CAP2: variants seen among roughly 807,000 people sequenced by gnomAD.
CAP2 encodes the protein cyclase associated actin cytoskeleton regulatory protein 2.
CAP2 carries 24 observed loss-of-function variants against 57.7 expected under a neutral mutation model. That is an observed-to-expected ratio of 0.42 (90% CI 0.30 to 0.58). The LOEUF (loss-of-function observed/expected upper bound fraction) is 0.58, where lower values mean the gene tolerates loss of function less well. Ranked by LOEUF, CAP2 falls within the 20% of genes least tolerant of loss-of-function variation. CAP2 has a pLI of 0.22. For missense variants in CAP2, 501 were observed against 590.3 expected, an observed-to-expected ratio of 0.85 and a Z score of 1.57; for synonymous variants, 194 against 207.2, an observed-to-expected ratio of 0.94 and a Z score of 0.55.
Position 17,496,027 on chromosome 6 carries a change from T to G in CAP2, c.301-11142T>G, listed in dbSNP as rs980636616. ...CAACTGCTGTGCATGCGTGTGTGGGTGGGGGGGGGGGGTAAGTCAGGGAAA... is the reference window on the plus strand; with the variant it reads ...CAACTGCTGTGCATGCGTGTGTGGGGGGGGGGGGGGGGTAAGTCAGGGAAA... On this transcript the variant is annotated intron_variant, in intron 4 of 12. Transcript: ENST00000229922. Among the ~76,000 whole-genome samples, 178 of 44,276 alleles carry G rather than the reference T, an allele frequency of 4.0e-3. 1 individual carries two copies. The highest frequency in any genetic ancestry group is 8.2e-3 in the African/African-American group (65 of 7,930). The allele number at this position is 44,276 out of a possible 152,430, so 29.0% of individuals were successfully genotyped here.
In CAP2 at chr6:17,410,519, C is replaced by T. The variant is rs1020765225; in HGVS notation, c.-1-11036C>T. The stretch of plus-strand genomic sequence containing the variant: ...CTTGGAGCAGTATCTGGGTAGGTTT[C>T]ACCACCACTTCTGACCACTGGGAGA... On this transcript the variant is annotated intron_variant, in intron 1 of 12. Transcript: ENST00000229922. Among the ~76,000 whole-genome samples, 5 of 152,034 alleles carry T rather than the reference C, an allele frequency of 3.3e-5. No homozygotes were observed. In the South Asian group the frequency reaches 6.2e-4, roughly 19 times the overall value.
rs1761039625 is a variant in CAP2 at position 17,472,312 on chromosome 6, C to T, written c.300+9239C>T. Among the ~76,000 whole-genome samples the T allele has an allele frequency of 9.2e-5, 2 of 21,856 alleles. 1 individual carries two copies. Among genetic ancestry groups the T allele is most frequent in the Admixed American group, 8.1e-4 (2 of 2,484 alleles). The allele number at this position is 21,856 out of a possible 152,430, so 14.3% of individuals were successfully genotyped here. ...TCCCGCCACTGCACTCCAGCCTGGG[C>T]GACAGAGCGAGACTCCGTCTCAAAA... On this transcript the variant is annotated intron_variant, in intron 4 of 12. Transcript: ENST00000229922.
At chr6:17,497,612 A>T (rs1302093032) in intron 4 of CAP2, among the ~76,000 whole-genome samples, 1 of 152,174 alleles carries the variant, frequency 6.6e-6, no homozygotes, top group African/African-American at 2.4e-5. Flanking sequence ...GATCTCAAAT[A>T]ATTCAGCTAA....
At chr6:17,433,738 G>T (rs928394038) in intron 3 of CAP2, among the ~76,000 whole-genome samples, 3 of 152,188 alleles carry the variant, frequency 2.0e-5, no homozygotes, top group African/African-American at 7.2e-5. Flanking sequence ...CCAAGAACGT[G>T]GAGAAGTTTT....
At chr6:17,480,341 A>G (rs1236132946) in intron 4 of CAP2, among the ~76,000 whole-genome samples, 4 of 152,162 alleles carry the variant, frequency 2.6e-5, no homozygotes, top group African/African-American at 9.7e-5. Context: ...CAAAATGTCC[A>G]TCCTTCTCTT....
At chr6:17,482,756 CA>C (rs1444618851) in intron 4 of CAP2, among the ~76,000 whole-genome samples, 1 of 152,176 alleles carries the variant, frequency 6.6e-6, no homozygotes, top group African/African-American at 2.4e-5. Flanking sequence ...CGTACAGGAC[CA>C]GGGGCCCTCC....
intron 4 of CAP2, among the ~76,000 whole-genome samples, chr6:17,501,890 A>T (rs948686236): frequency 6.6e-6 from 1 of 152,208 alleles, no homozygotes; most frequent in African/African-American, 2.4e-5. Flanking sequence ...CAGTTTGTTC[A>T]TGCATCTCTT....
intron 1 of CAP2, among the ~76,000 whole-genome samples, chr6:17,419,900 T>A (rs1389887775): frequency 6.6e-6 from 1 of 151,172 alleles, no homozygotes; most frequent in Non-Finnish European, 1.5e-5. Context: ...TGAGACAGAG[T>A]CTCACTCTGT....
At position 17,398,248 on chromosome 6, in the gene CAP2, G is replaced by T. The variant is rs553741870; in HGVS notation, c.-2+4502G>T. ...GAACATTACTTTAATCAAAGTACAT[G>T]AATAGTTACTAAACCTCATTAAAAG... is the stretch of plus-strand genomic sequence containing the variant. On this transcript the variant is annotated intron_variant, in intron 1 of 12. Coordinates refer to ENST00000229922, the MANE Select transcript of CAP2 (RefSeq NM_006366.3). Among the ~76,000 whole-genome samples the T allele has an allele frequency of 3.3e-5, 5 of 152,290 alleles. No individual in the cohort carries two copies. In the South Asian group the frequency reaches 1.0e-3, roughly 32 times the overall value.
intron 3 of CAP2, among the ~76,000 whole-genome samples, chr6:17,458,551 A>G (rs1760636898): frequency 6.6e-6 from 1 of 152,232 alleles, no homozygotes. Context: ...AGATGCCAAA[A>G]CGTTAATACG....
At chr6:17,406,308 G>A (rs1485051365) in intron 1 of CAP2, among the ~76,000 whole-genome samples, 1 of 151,862 alleles carries the variant, frequency 6.6e-6, no homozygotes, top group African/African-American at 2.4e-5. Context: ...ACAGAGTAGC[G>A]AGAGGAATAA....
chr6:17,416,609 T>C (rs1759282214), intron 1 of CAP2, among the ~76,000 whole-genome samples: 1 of 152,194 alleles, frequency 6.6e-6, no homozygotes, highest in African/African-American at 2.4e-5. Context: ...CAGTAGATAA[T>C]GCCCCAAACT....
chr6:17,489,099 A>G (rs972155448), intron 4 of CAP2, among the ~76,000 whole-genome samples: 3 of 152,164 alleles, frequency 2.0e-5, no homozygotes, highest in Admixed American at 2.0e-4. Context: ...TCCAAAATTA[A>G]TAAAATTGAT....
At chr6:17,536,436 T>C in intron 7 of CAP2, 1 of 366,082 alleles carries the variant, frequency 2.7e-6, no homozygotes, top group Non-Finnish European at 5.4e-6. Context: ...AGCCAGGACA[T>C]ACAAAGGATT....
intron 1 of CAP2, among the ~76,000 whole-genome samples, chr6:17,407,548 A>T (rs1245576751): frequency 6.6e-6 from 1 of 151,950 alleles, no homozygotes; most frequent in Non-Finnish European, 1.5e-5. Flanking sequence ...AGGCCAAGGC[A>T]GGTGGATCAC....
intron 3 of CAP2, among the ~76,000 whole-genome samples, chr6:17,434,873 C>T (rs1403859823): frequency 6.7e-6 from 1 of 150,358 alleles, no homozygotes. Flanking sequence ...GGGCGAAGGA[C>T]ATGAACAGAC....
At position 17,540,982 on chromosome 6, in the gene CAP2, A is replaced by T. The variant is rs1270989794; in HGVS notation, c.836A>T (p.His279Leu). The T allele has an allele frequency of 6.2e-7, 1 of 1,613,756 alleles. No individual in the cohort carries two copies. Among genetic ancestry groups the T allele is most frequent in the Non-Finnish European group, 8.5e-7 (1 of 1,179,776 alleles). The change falls in exon 9 of 13, where the codon CAT becomes CTT. Residue 279 changes from histidine (H) to leucine (L), a missense_variant. Physicochemically the swap from His to Leu is moderately conservative, Grantham distance 99 (BLOSUM62 -3). Transcript: ENST00000229922. ...TGTGTTGTCCTCCTAGGGCTCCGCC[A>T]TGTCACAGATGACCAGAAGACATAC... ...QGEAITKGLR[H>L]VTDDQKTYKN...
intron 3 of CAP2, among the ~76,000 whole-genome samples, chr6:17,454,798 T>C (rs757728558): frequency 5.3e-5 from 8 of 152,228 alleles, no homozygotes; most frequent in Non-Finnish European, 8.8e-5. Context: ...CTTTTCCGTT[T>C]TCTATGCTTC....
At chr6:17,461,121 C>G (rs1453077944) in intron 3 of CAP2, among the ~76,000 whole-genome samples, 1 of 152,000 alleles carries the variant, frequency 6.6e-6, no homozygotes, top group Admixed American at 6.6e-5. Context: ...TGCACTGCAG[C>G]CTGGGTGACA....
Sources: allele counts gnomAD v4.1 joint callset (sites outside exome capture counted in the v4.1 genomes callset), GRCh38; gene constraint gnomAD v4.1.1; transcripts MANE v1.5; gene names NCBI Gene and HGNC (gene_info 2026-07-23, HGNC 2026-07-21).